Variants in GALNT13 observed in about 807,000 individuals in gnomAD.
GALNT13 encodes the protein polypeptide N-acetylgalactosaminyltransferase 13, also known as UDP-GalNAc:polypeptide N-acetylgalactosaminyltransferase 13.
A neutral mutation model predicts 64.2 loss-of-function variants in GALNT13; 28 were observed. The observed-to-expected ratio is 0.44, with a 90% CI of 0.32 to 0.60. The LOEUF (loss-of-function observed/expected upper bound fraction) is 0.60, where lower values mean the gene tolerates loss of function less well. Ranked by LOEUF, GALNT13 falls within the 20% of genes least tolerant of loss-of-function variation. GALNT13 has a pLI of 0.05. For missense variants in GALNT13, 577 were observed against 669.8 expected (o/e 0.86, Z 1.53); for synonymous variants, 214 against 224.6 (o/e 0.95, Z 0.42).
intron 3 of GALNT13, among the ~76,000 whole-genome samples, chr2:154,132,020 A>G (rs571780216): frequency 6.6e-6 from 1 of 152,300 alleles, no homozygotes; most frequent in East Asian, 1.9e-4. Flanking sequence ...TAGTCCTTCC[A>G]CATTTCTCTG....
At chr2:153,109,591 A>G in the GALNT13 span, among the ~76,000 whole-genome samples, 1 of 152,066 alleles carries the variant, frequency 6.6e-6, no homozygotes, top group Non-Finnish European at 1.5e-5. Flanking sequence ...GTAGCTGGAA[A>G]TTTTCAGATT....
At chr2:154,160,578 C>A (rs184317025) in intron 4 of GALNT13, among the ~76,000 whole-genome samples, 55 of 152,118 alleles carry the variant, frequency 3.6e-4, no homozygotes, top group Middle Eastern at 3.4e-3. Context: ...TTAAAAAAAA[C>A]CAAGTCATGT....
At chr2:154,273,940 G>C (rs976987708) in intron 8 of GALNT13, among the ~76,000 whole-genome samples, 1 of 151,836 alleles carries the variant, frequency 6.6e-6, no homozygotes, top group African/African-American at 2.4e-5. Context: ...TACAAGTATT[G>C]TTATAATGGA....
chr2:154,255,448 G>T (rs973547528), intron 7 of GALNT13, among the ~76,000 whole-genome samples: 2 of 152,172 alleles, frequency 1.3e-5, no homozygotes, highest in African/African-American at 2.4e-5. Context: ...ACTTAATTCA[G>T]CAGGCTTGTA....
At chr2:154,321,837 T>C (rs1694638292) in intron 9 of GALNT13, among the ~76,000 whole-genome samples, 1 of 152,180 alleles carries the variant, frequency 6.6e-6, no homozygotes, top group Non-Finnish European at 1.5e-5. Flanking sequence ...AAGTAACATA[T>C]ATGTTACATT....
intron 3 of GALNT13, among the ~76,000 whole-genome samples, chr2:153,968,480 C>T (rs996516981): frequency 3.3e-5 from 5 of 152,198 alleles, no homozygotes; most frequent in Non-Finnish European, 7.3e-5. Flanking sequence ...CAATGCAAAA[C>T]TCTTCTTCCT....
intron 4 of GALNT13, among the ~76,000 whole-genome samples, chr2:154,173,801 A>G (rs552103343): frequency 6.6e-6 from 1 of 152,282 alleles, no homozygotes; most frequent in South Asian, 2.1e-4. Flanking sequence ...ATCACTAATC[A>G]TCAGAGAAAT....
In GALNT13 at chr2:154,025,105, TG is replaced by T. The variant is rs924542370; in HGVS notation, c.142+80472del. Among the ~76,000 whole-genome samples, 8 of 152,130 alleles carry T rather than the reference TG, an allele frequency of 5.3e-5. No homozygotes were observed. In the East Asian group the frequency reaches 7.7e-4, roughly 15 times the overall value. On this transcript the variant is annotated intron_variant, in intron 3 of 12. Coordinates refer to ENST00000392825, the MANE Select transcript of GALNT13 (RefSeq NM_052917.4). Reference sequence around the variant, plus strand: ...GTGTAAGTTGTCAGTCCGCCCCTACTGGGGGGTGCCTCCCAGTTAGGCTACT... The same window carrying T: ...GTGTAAGTTGTCAGTCCGCCCCTACTGGGGGTGCCTCCCAGTTAGGCTACT...
At chr2:154,239,768 T>C (rs1469539445) in intron 4 of GALNT13, among the ~76,000 whole-genome samples, 1 of 152,198 alleles carries the variant, frequency 6.6e-6, no homozygotes, top group Non-Finnish European at 1.5e-5. Context: ...AATGTTGTAA[T>C]TGAGGTAAAT....
intron 9 of GALNT13, among the ~76,000 whole-genome samples, chr2:154,372,019 T>A (rs1265164083): frequency 6.6e-6 from 1 of 152,084 alleles, no homozygotes; most frequent in African/African-American, 2.4e-5. Flanking sequence ...TGATATTCAA[T>A]GAGTTATTAC....
chr2:153,679,525 C>T, the GALNT13 span, among the ~76,000 whole-genome samples: 1 of 151,908 alleles, frequency 6.6e-6, no homozygotes, highest in East Asian at 1.9e-4. Context: ...ACGTGTGTTT[C>T]ATTTTTTCTA....
chr2:153,575,465 A>T, the GALNT13 span, among the ~76,000 whole-genome samples: 62,736 of 151,992 alleles, frequency 0.41, 13,432 homozygotes, highest in East Asian at 0.61. Context: ...GGTGGTGAGT[A>T]CCCCAAGGTC....
intron 3 of GALNT13, among the ~76,000 whole-genome samples, chr2:154,026,245 A>G (rs556048184): frequency 5.3e-4 from 81 of 152,162 alleles, no homozygotes; most frequent in Non-Finnish European, 9.9e-4. Context: ...TTGAGAAGAT[A>G]GTTTATGATA....
chr2:153,452,236 A>G, the GALNT13 span, among the ~76,000 whole-genome samples: 3 of 152,230 alleles, frequency 2.0e-5, no homozygotes, highest in Non-Finnish European at 2.9e-5. Context: ...TGAAATTTGT[A>G]TGTGATTTTC....
At chr2:154,363,405 G>A (rs1033175226) in intron 9 of GALNT13, among the ~76,000 whole-genome samples, 1 of 152,216 alleles carries the variant, frequency 6.6e-6, no homozygotes, top group Admixed American at 6.5e-5. Context: ...TATTTATTCT[G>A]TGGATTTCTG....
At chr2:153,763,693 G>T in the GALNT13 span, among the ~76,000 whole-genome samples, 2 of 152,096 alleles carry the variant, frequency 1.3e-5, no homozygotes, top group Non-Finnish European at 1.5e-5. Context: ...ACAGTAAATT[G>T]GTACCAGGAA....
rs1693439826 is a variant in GALNT13, at chr2:154,301,505, G to A, written c.1072G>A (p.Gly358Ser). ...TCCATACACTTTTCCTGGTGGCACTGGTCATGTCATCAACAAGAACAACAG... is the reference window on the plus strand; with the variant it reads ...TCCATACACTTTTCCTGGTGGCACTAGTCATGTCATCAACAAGAACAACAG... ...ATPYTFPGGT[G>S]HVINKNNRRL... Residue 358 changes from glycine (G) to serine (S), a missense_variant, in exon 9 of 13, where the codon GGT (glycine) becomes AGT (serine). By Grantham distance (56) the Gly-to-Ser change is moderately conservative. Transcript: ENST00000392825. 6.2e-7 allele frequency: 1 copy of A among 1,613,492 alleles called. No individual in the cohort carries two copies. Among genetic ancestry groups the A allele is most frequent in the African/African-American group, 1.3e-5 (1 of 74,882 alleles).
intron 1 of GALNT13, among the ~76,000 whole-genome samples, chr2:153,886,734 T>C (rs1456900507): frequency 6.6e-6 from 1 of 152,072 alleles, no homozygotes; most frequent in Non-Finnish European, 1.5e-5. Flanking sequence ...TTGTGGGCAG[T>C]TAGAGCTCTT....
the GALNT13 span, among the ~76,000 whole-genome samples, chr2:153,219,418 A>T: frequency 2.0e-5 from 3 of 152,222 alleles, no homozygotes; most frequent in African/African-American, 4.8e-5. Context: ...TGATGTATCA[A>T]GGGTTTTATG....
Sources: allele counts gnomAD v4.1 joint callset (sites outside exome capture counted in the v4.1 genomes callset), GRCh38; gene constraint gnomAD v4.1.1; transcripts MANE v1.5; gene names NCBI Gene and HGNC (gene_info 2026-07-23, HGNC 2026-07-21).